The following NRL variants were observed in gnomAD, a reference collection of about 807,000 sequenced individuals.
The protein encoded by NRL is neural retina-specific leucine zipper protein.
Under a neutral mutation model 12.5 loss-of-function variants are expected in NRL, and 16 were observed. The ratio of observed to expected loss-of-function variants is 1.28; its 90% CI spans 0.87 to 1.95. The LOEUF is 1.95. Ranked by LOEUF, NRL falls within the 30% of genes most tolerant of loss-of-function variation. NRL has a pLI of 0.00. For synonymous variants in NRL, 142 were observed against 150.9 expected (o/e 0.94, Z 0.43); for missense variants, 314 against 325.8 (o/e 0.96, Z 0.28).
intron 1 of NRL, chr14:24,114,267 A>G (rs2037483124): frequency 6.6e-6 from 1 of 152,312 alleles, no homozygotes; most frequent in South Asian, 2.1e-4. Context: ...AAAAATTGTC[A>G]GACCGGATAA....
At chr14:24,100,090 A>G in intron 1 of NRL, 1 of 1,612,738 alleles carries the variant, frequency 6.2e-7, no homozygotes. Flanking sequence ...TACAATCCAG[A>G]GTAACACTAT....
chr14:24,102,028 C>T (rs2037180761), intron 1 of NRL, among the ~76,000 whole-genome samples: 1 of 151,896 alleles, frequency 6.6e-6, no homozygotes, highest in Non-Finnish European at 1.5e-5. Flanking sequence ...GAGTTTGAAA[C>T]CAGCCTGGCC....
intron 1 of NRL, among the ~76,000 whole-genome samples, chr14:24,109,525 C>T (rs1208426361): frequency 6.6e-6 from 1 of 151,996 alleles, no homozygotes; most frequent in African/African-American, 2.4e-5. Context: ...GAAACCCCGT[C>T]TCTACTAAGA....
At chr14:24,109,939 GA>G (rs1435878813) in intron 1 of NRL, among the ~76,000 whole-genome samples, 1 of 151,990 alleles carries the variant, frequency 6.6e-6, no homozygotes. Context: ...AGAGAAAAGA[GA>G]ATCAAAAAAT....
Position 24,098,455 on chromosome 14 carries a change from G to A in NRL, c.-27-15580C>T, listed in dbSNP as rs114584291. On this transcript the variant is annotated intron_variant, in intron 1 of 2. Transcript: ENST00000561028. ...GAACAGGTTTGGAACCCTTCATCCA[G>A]GGGATGCCTTCCTCCACAGGCCGCA... The A allele has an allele frequency of 6.7e-4, 1,078 of 1,613,784 alleles. 7 individuals are homozygous for A. In the African/African-American group the frequency reaches 0.012, roughly 18 times the overall value.
chr14:24,113,378 TAA>T (rs370478810), intron 1 of NRL, among the ~76,000 whole-genome samples: 10 of 140,224 alleles, frequency 7.1e-5, no homozygotes, highest in South Asian at 6.8e-4. Flanking sequence ...TAGAGTATAA[TAA>T]AAAAAAAAAA....
chr14:24,088,632 G>T lies in NRL; in HGVS notation c.-27-5757C>A, dbSNP rs550654992. Among the ~76,000 whole-genome samples, 24 of 151,464 alleles carry T rather than the reference G, an allele frequency of 1.6e-4. No individual in the cohort carries two copies. The East Asian group carries it at 4.5e-3, about 28-fold the overall frequency. ...AGAACAGAATATATTTTGTGTAACA[G>T]TTTGTTAGCCTGAATTATACTTTTT... On this transcript the variant is annotated intron_variant, in intron 1 of 2. Coordinates refer to ENST00000561028, the MANE Select transcript of NRL (RefSeq NM_001354768.3).
At position 24,085,498 on chromosome 14, in the gene NRL, C is replaced by T. The variant is rs1205346529; in HGVS notation, c.-27-2623G>A. Among the ~76,000 whole-genome samples, 3 of 152,162 alleles carry T rather than the reference C, an allele frequency of 2.0e-5. No individual in the cohort carries two copies. Among genetic ancestry groups the T allele is most frequent in the Non-Finnish European group, 4.4e-5 (3 of 68,032 alleles). On this transcript the variant is annotated intron_variant, in intron 1 of 2. Transcript: ENST00000561028. This position sits in a 1 kb window ranked among gnomAD's most constrained non-coding sequence, Gnocchi z 4.1. ...CCCTAACACCTCTTAGAGCTATCAT[C>T]CCTGAGTAGGAGTGGGAACAGGGAT...
At position 24,091,932 on chromosome 14, in the gene NRL, T is replaced by C. The variant is rs187861896; in HGVS notation, c.-27-9057A>G. On this transcript the variant is annotated intron_variant, in intron 1 of 2. Coordinates refer to ENST00000561028, the MANE Select transcript of NRL (RefSeq NM_001354768.3). ...GCATCTTGGAGGTCAAGTGCGGCATTTGACCTTTGATTTAGGGTGTTATAT... is the reference window on the plus strand; with the variant it reads ...GCATCTTGGAGGTCAAGTGCGGCATCTGACCTTTGATTTAGGGTGTTATAT... Among the ~76,000 whole-genome samples the C allele has an allele frequency of 1.7e-3, 254 of 152,260 alleles. 3 individuals are homozygous for C. The highest frequency in any genetic ancestry group is 3.2e-4 in the Non-Finnish European group (22 of 68,000).
chr14:24,095,487 A>G (rs1048086556), intron 1 of NRL: 1 of 316,264 alleles, frequency 3.2e-6, no homozygotes, highest in African/African-American at 2.2e-5. Flanking sequence ...TCCCGTATCC[A>G]TGCTCTGAGC....
chr14:24,108,500 T>C (rs969876940), intron 1 of NRL, among the ~76,000 whole-genome samples: 1 of 144,976 alleles, frequency 6.9e-6, no homozygotes, highest in Non-Finnish European at 1.5e-5. Context: ...CCTGGCTAAT[T>C]TTTTTTTTTT....
chr14:24,089,207 G>A (rs538707497), intron 1 of NRL, among the ~76,000 whole-genome samples: 43 of 152,080 alleles, frequency 2.8e-4, no homozygotes, highest in Non-Finnish European at 5.7e-4. Context: ...AAAGCGCTGG[G>A]GTTATAGGCA....
chr14:24,097,527 G>A (rs1352328409), intron 1 of NRL, among the ~76,000 whole-genome samples: 1 of 150,566 alleles, frequency 6.6e-6, no homozygotes, highest in Non-Finnish European at 1.5e-5. Context: ...TCGCGTCATT[G>A]CACTCCAGCC....
At chr14:24,095,116 T>C (rs1441616449) in intron 1 of NRL, 1 of 456,018 alleles carries the variant, frequency 2.2e-6, no homozygotes, top group African/African-American at 2.0e-5. Context: ...TAGTCTCCTA[T>C]TTATTCTCTG....
In NRL at chr14:24,094,826, G is replaced by C; in HGVS notation, c.-27-11951C>G. 1.5e-6 allele frequency: 2 copies of C among 1,326,248 alleles called. No homozygotes were observed. Among genetic ancestry groups the C allele is most frequent in the South Asian group, 1.2e-5 (1 of 81,324 alleles). The allele number at this position is 1,326,248 out of a possible 1,614,324, so 82.2% of individuals were successfully genotyped here. ...GCGCCCCAGGGTACTTCGAGAGGCA[G>C]CAGGGCCCTGGGGACAAGGGTACGT... On this transcript the variant is annotated intron_variant, in intron 1 of 2. Coordinates refer to ENST00000561028, the MANE Select transcript of NRL (RefSeq NM_001354768.3). The surrounding 1 kb of genome is among the most constrained non-coding windows in gnomAD (Gnocchi z 4.1).
At chr14:24,107,673 T>C (rs1406051307) in intron 1 of NRL, among the ~76,000 whole-genome samples, 2 of 152,216 alleles carry the variant, frequency 1.3e-5, no homozygotes, top group Non-Finnish European at 2.9e-5. Flanking sequence ...TCCCCCTCCA[T>C]TCCTTTCTTT....
intron 1 of NRL, among the ~76,000 whole-genome samples, chr14:24,104,879 TAAC>T (rs574701666): frequency 7.9e-4 from 121 of 152,314 alleles, no homozygotes; most frequent in African/African-American, 2.8e-3. Context: ...TTAGGACAGC[TAAC>T]AACACTTCTG....
At chr14:24,098,825 G>A (rs574775665) in intron 1 of NRL, 10 of 761,248 alleles carry the variant, frequency 1.3e-5, no homozygotes, top group East Asian at 1.1e-4. Context: ...CCAGCAGAGG[G>A]ATAAGGCTGT....
At chr14:24,082,999 T>A (rs2036367581) in intron 1 of NRL, 124 bp from the exon 2 acceptor site, 8 of 902,308 alleles carry the variant, frequency 8.9e-6, no homozygotes. Flanking sequence ...AGAGGGATGG[T>A]GCAGCTCTGT....
Sources: allele counts gnomAD v4.1 joint callset (sites outside exome capture counted in the v4.1 genomes callset), GRCh38; gene constraint gnomAD v4.1.1; non-coding constraint Gnocchi (gnomAD v3.1); transcripts MANE v1.5; gene names NCBI Gene and HGNC (gene_info 2026-07-23, HGNC 2026-07-21).